Variants in TMEM278 observed in about 807,000 individuals in gnomAD.
TMEM278 encodes transmembrane protein 88B.
At chr1:1,427,791 G>C in the TMEM278 span, 3 of 1,377,922 alleles carry the variant, frequency 2.2e-6, no homozygotes, top group Non-Finnish European at 2.8e-6. Context: ...GGTGTGACCC[G>C]GCGGCCGCTG....
chr1:1,427,793 C>CG, the TMEM278 span: 5 of 1,377,784 alleles, frequency 3.6e-6, no homozygotes, highest in Admixed American at 1.5e-4. Context: ...TGTGACCCGG[C>CG]GGCCGCTGCG....
chr1:1,426,257 C>A, the TMEM278 span: 1 of 1,491,160 alleles, frequency 6.7e-7, no homozygotes, highest in Non-Finnish European at 9.0e-7. Flanking sequence ...GTGGTCGGGG[C>A]CCCCGCTGCT....
the TMEM278 span, chr1:1,426,374 TGCC>T: frequency 1.4e-6 from 2 of 1,421,720 alleles, no homozygotes; most frequent in African/African-American, 3.0e-5. Context: ...GGGATTCCTG[TGCC>T]ACTCGAGGGT....
chr1:1,427,998 A>G, the TMEM278 span, among the ~76,000 whole-genome samples: 5 of 59,478 alleles, frequency 8.4e-5, no homozygotes, highest in Non-Finnish European at 1.3e-4. Context: ...GGAGGGGAAG[A>G]GAGGGGAGGG....
At chr1:1,429,137 C>G in the TMEM278 span, among the ~76,000 whole-genome samples, 1 of 152,006 alleles carries the variant, frequency 6.6e-6, no homozygotes, top group South Asian at 2.1e-4. Context: ...CCATTGCACT[C>G]CAGCCTGGAC....
At chr1:1,427,606 C>G in the TMEM278 span, 1 of 1,306,012 alleles carries the variant, frequency 7.7e-7, no homozygotes, top group Admixed American at 3.2e-5. Context: ...GACCGCGGCT[C>G]CGCGGCGCTC....
chr1:1,429,772 C>T, the TMEM278 span, among the ~76,000 whole-genome samples: 4 of 152,316 alleles, frequency 2.6e-5, no homozygotes, highest in South Asian at 4.1e-4. Flanking sequence ...GTTCCCTGGC[C>T]GCAGGCTGGC....
the TMEM278 span, chr1:1,426,101 G>T: frequency 1.5e-6 from 2 of 1,365,982 alleles, no homozygotes. Flanking sequence ...AGCACCGCCC[G>T]GGCCACAGGC....
At chr1:1,430,156 C>A in the TMEM278 span, among the ~76,000 whole-genome samples, 1 of 152,216 alleles carries the variant, frequency 6.6e-6, no homozygotes, top group African/African-American at 2.4e-5. Context: ...CCCCACCTGG[C>A]CTTATTTATT....
At chr1:1,426,672 T>C in the TMEM278 span, among the ~76,000 whole-genome samples, 1 of 151,638 alleles carries the variant, frequency 6.6e-6, no homozygotes, top group Non-Finnish European at 1.5e-5. Flanking sequence ...GAGAACGGGG[T>C]TCCAGGAAAA....
At chr1:1,427,725 C>T in the TMEM278 span, 8 of 1,309,086 alleles carry the variant, frequency 6.1e-6, no homozygotes, top group Non-Finnish European at 7.7e-6. Context: ...CGCTGGGACC[C>T]CCGGACCCCG....
chr1:1,429,967 C>T, the TMEM278 span, among the ~76,000 whole-genome samples: 2 of 152,242 alleles, frequency 1.3e-5, no homozygotes, highest in Admixed American at 1.3e-4. Context: ...CTCAAGTGAT[C>T]CTCCTGCCTC....
At chr1:1,426,352 C>T in the TMEM278 span, 4 of 1,436,560 alleles carry the variant, frequency 2.8e-6, no homozygotes, top group South Asian at 1.4e-5. Context: ...CCGCGGCCGC[C>T]GTCGTCTACC....
At chr1:1,427,860 A>G in the TMEM278 span, 1 of 1,282,140 alleles carries the variant, frequency 7.8e-7, no homozygotes, top group Non-Finnish European at 9.9e-7. Flanking sequence ...CCGGCCCGGA[A>G]AACTGAGGGT....
chr1:1,429,865 CTGTT>C, the TMEM278 span, among the ~76,000 whole-genome samples: 1,389 of 152,154 alleles, frequency 9.1e-3, 22 homozygotes, highest in African/African-American at 0.029. Context: ...ACTACTCTGT[CTGTT>C]TGTTTACTTA....
the TMEM278 span, chr1:1,426,518 C>A: frequency 1.4e-6 from 1 of 709,912 alleles, no homozygotes; most frequent in Non-Finnish European, 2.0e-6. Flanking sequence ...TCCCTGGCAG[C>A]CCCTTCTCCC....
the TMEM278 span, chr1:1,427,641 C>A: frequency 7.4e-7 from 1 of 1,345,092 alleles, no homozygotes; most frequent in Non-Finnish European, 9.6e-7. Flanking sequence ...TCTCTCGCTG[C>A]CGCCGCTGCT....
the TMEM278 span, among the ~76,000 whole-genome samples, chr1:1,428,992 T>A: frequency 3.9e-4 from 42 of 108,878 alleles, no homozygotes; most frequent in African/African-American, 1.7e-3. Context: ...AGAGCGAGGC[T>A]CCGTCTCAAA....
the TMEM278 span, chr1:1,426,174 G>C: frequency 7.1e-7 from 1 of 1,418,370 alleles, no homozygotes; most frequent in Non-Finnish European, 9.2e-7. Context: ...GGGGGAGGTG[G>C]TGCTTCCGAC....
Sources: allele counts gnomAD v4.1 joint callset (sites outside exome capture counted in the v4.1 genomes callset), GRCh38; gene constraint gnomAD v4.1.1; transcripts MANE v1.5; gene names NCBI Gene and HGNC (gene_info 2026-07-23, HGNC 2026-07-21).